The following EYS variants were observed in gnomAD, a reference collection of about 807,000 sequenced individuals.
EYS encodes EGF-like photoreceptor maintenance factor.
EYS carries 250 observed loss-of-function variants against 282.1 expected under a neutral mutation model. The ratio of observed to expected loss-of-function variants is 0.89; its 90% CI spans 0.80 to 0.98. The LOEUF (loss-of-function observed/expected upper bound fraction) is 0.98, where lower values mean the gene tolerates loss of function less well. Ranked by LOEUF, EYS falls within the 50% of genes least tolerant of loss-of-function variation. The pLI, the probability that EYS is intolerant of heterozygous loss-of-function variation, is 0.00. For missense variants in EYS, 4,016 were observed against 3,709.0 expected (o/e 1.08, Z -2.15); for synonymous variants, 1,355 against 1,282.9 (o/e 1.06, Z -1.20).
At chr6:64,002,092 A>G (rs1288099370) in intron 33 of EYS, among the ~76,000 whole-genome samples, 2 of 152,330 alleles carry the variant, frequency 1.3e-5, no homozygotes, top group Non-Finnish European at 2.9e-5. Context: ...CGACACCAGC[A>G]GACTAGCAGA....
intron 2 of EYS, among the ~76,000 whole-genome samples, chr6:65,526,120 C>A (rs1235767009): frequency 6.6e-6 from 1 of 152,166 alleles, no homozygotes; most frequent in African/African-American, 2.4e-5. Flanking sequence ...AGAGCAATAG[C>A]ATGTCAGTTA....
chr6:65,058,544 T>G (rs1773481745), intron 12 of EYS, among the ~76,000 whole-genome samples: 1 of 146,370 alleles, frequency 6.8e-6, no homozygotes. Context: ...TCATGATCTT[T>G]GTAGATATAA....
In EYS at chr6:64,085,340, G is replaced by GCGCACACACACACACACACACACACA. The variant is rs112388321; in HGVS notation, c.6425-3339_6425-3338insTGTGTGTGTGTGTGTGTGTGTGTGCG. Among the ~76,000 whole-genome samples, 656 of 139,830 alleles carry GCGCACACACACACACACACACACACA rather than the reference G, an allele frequency of 4.7e-3. 3 individuals are homozygous for GCGCACACACACACACACACACACACA. The highest frequency in any genetic ancestry group is 0.011 in the African/African-American group (401 of 35,724). The allele number at this position is 139,830 out of a possible 152,430, so 91.7% of individuals were successfully genotyped here. A position where few individuals can be genotyped will look rare whatever the true frequency, so the allele number is the denominator to read the frequency against. ...CGCGCGCGCGTGCGCACGTGCGCGC[G>GCGCACACACACACACACACACACACA]CACACACACACACACACACACACAC... On this transcript the variant is annotated intron_variant, in intron 31 of 42. Coordinates refer to ENST00000503581, the MANE Select transcript of EYS (RefSeq NM_001142800.2).
At chr6:64,934,495 T>G (rs1768837124) in intron 15 of EYS, among the ~76,000 whole-genome samples, 1 of 151,724 alleles carries the variant, frequency 6.6e-6, no homozygotes, top group Non-Finnish European at 1.5e-5. Context: ...AAAGAGATAA[T>G]AGTGATAGCA....
chr6:65,705,747 GC>G (rs1769854802), intron 1 of EYS, among the ~76,000 whole-genome samples: 1 of 152,152 alleles, frequency 6.6e-6, no homozygotes, highest in Admixed American at 6.6e-5. Flanking sequence ...CAATATCAAT[GC>G]CCTTTTCCTT....
At chr6:64,710,010 T>C (rs992440349) in intron 22 of EYS, among the ~76,000 whole-genome samples, 4 of 152,176 alleles carry the variant, frequency 2.6e-5, no homozygotes, top group Admixed American at 1.3e-4. Context: ...ATATGAAGAA[T>C]ATGAAAACTT....
intron 14 of EYS, among the ~76,000 whole-genome samples, chr6:64,988,317 C>T (rs1308437850): frequency 6.6e-6 from 1 of 151,500 alleles, no homozygotes; most frequent in Non-Finnish European, 1.5e-5. Flanking sequence ...AATCTCACAG[C>T]AAGCCTTAAA....
chr6:65,420,926 A>G (rs1767432850), intron 5 of EYS, among the ~76,000 whole-genome samples: 1 of 151,772 alleles, frequency 6.6e-6, no homozygotes, highest in Non-Finnish European at 1.5e-5. Flanking sequence ...AATATTCACT[A>G]AACTATGCTG....
At chr6:65,090,652 T>G (rs1014026374) in intron 12 of EYS, among the ~76,000 whole-genome samples, 1 of 152,170 alleles carries the variant, frequency 6.6e-6, no homozygotes, top group Non-Finnish European at 1.5e-5. Context: ...GAGCGGCTGA[T>G]GCAGTCTCTA....
At chr6:65,381,648 A>G (rs1193451686) in intron 8 of EYS, among the ~76,000 whole-genome samples, 1 of 152,038 alleles carries the variant, frequency 6.6e-6, no homozygotes, top group Non-Finnish European at 1.5e-5. Context: ...ATTAAATTTA[A>G]AAATTTGAGA....
intron 32 of EYS, among the ~76,000 whole-genome samples, chr6:64,076,590 T>C (rs188988753): frequency 4.0e-4 from 61 of 151,914 alleles, no homozygotes; most frequent in Non-Finnish European, 7.1e-4. Context: ...GATGGTTTTA[T>C]AAGGAGTTTC....
chr6:63,970,602 T>TAGA (rs1318272850), intron 35 of EYS, among the ~76,000 whole-genome samples: 3 of 147,808 alleles, frequency 2.0e-5, no homozygotes, highest in Non-Finnish European at 4.5e-5. Context: ...ACCGCTGCAC[T>TAGA]CCAGCCTGGG....
At chr6:64,453,653 T>C (rs1775448994) in intron 26 of EYS, among the ~76,000 whole-genome samples, 1 of 152,162 alleles carries the variant, frequency 6.6e-6, no homozygotes, top group Admixed American at 6.6e-5. Flanking sequence ...GTGTCACATT[T>C]ACACCATGGG....
intron 11 of EYS, among the ~76,000 whole-genome samples, chr6:65,312,342 T>C (rs919024143): frequency 2.6e-4 from 40 of 151,932 alleles, no homozygotes; most frequent in African/African-American, 9.2e-4. Flanking sequence ...CAGTTATTGC[T>C]CCCAAGGTTT....
chr6:64,282,144 A>T (rs1204697982), intron 30 of EYS, among the ~76,000 whole-genome samples: 2 of 152,146 alleles, frequency 1.3e-5, no homozygotes, highest in Non-Finnish European at 2.9e-5. Flanking sequence ...TCATCATATA[A>T]ATTGGCTTAT....
chr6:64,006,456 T>G (rs1280522507), intron 33 of EYS, among the ~76,000 whole-genome samples: 1 of 152,138 alleles, frequency 6.6e-6, no homozygotes, highest in Non-Finnish European at 1.5e-5. Flanking sequence ...GACTTCCTCT[T>G]TTCTTACTTG....
intron 22 of EYS, among the ~76,000 whole-genome samples, chr6:64,749,302 G>T (rs901418463): frequency 2.0e-5 from 3 of 152,082 alleles, no homozygotes; most frequent in Admixed American, 2.0e-4. Context: ...CTAGCTCTAT[G>T]CTTTCTATAA....
intron 11 of EYS, chr6:65,331,540 A>G (rs1769798144): frequency 1.0e-6 from 1 of 962,088 alleles, no homozygotes; most frequent in Non-Finnish European, 1.2e-6. Context: ...ATTATGAGAC[A>G]ATATCAAGAA....
intron 29 of EYS, 140 bp from the exon 30 acceptor site, chr6:64,307,222 A>T (rs1769487523): frequency 1.9e-6 from 1 of 540,278 alleles, no homozygotes. Context: ...ATAGTACAGT[A>T]ATTCAAATAT....
Sources: allele counts gnomAD v4.1 joint callset (sites outside exome capture counted in the v4.1 genomes callset), GRCh38; gene constraint gnomAD v4.1.1; transcripts MANE v1.5; gene names NCBI Gene and HGNC (gene_info 2026-07-23, HGNC 2026-07-21).